The following HHAT variants were observed in gnomAD, a reference collection of about 807,000 sequenced individuals.
The protein encoded by HHAT is protein-cysteine N-palmitoyltransferase HHAT.
Under a neutral mutation model 70.8 loss-of-function variants are expected in HHAT, and 47 were observed. The observed-to-expected ratio is 0.66, with a 90% CI of 0.53 to 0.85. The LOEUF (loss-of-function observed/expected upper bound fraction) is 0.85, where lower values mean the gene tolerates loss of function less well. Ranked by LOEUF, HHAT falls within the 40% of genes least tolerant of loss-of-function variation. The pLI is 0.00. For synonymous variants in HHAT, 228 were observed against 247.6 expected (o/e 0.92, Z 0.74); for missense variants, 609 against 604.8 (o/e 1.01, Z -0.07).
intron 6 of HHAT, among the ~76,000 whole-genome samples, chr1:210,417,099 T>G (rs1413483382): frequency 6.6e-6 from 1 of 152,166 alleles, no homozygotes; most frequent in Non-Finnish European, 1.5e-5. Context: ...AGTACAAGAC[T>G]TGTACACTGA....
At chr1:210,377,278 T>C (rs1346071791) in intron 3 of HHAT, among the ~76,000 whole-genome samples, 1 of 152,252 alleles carries the variant, frequency 6.6e-6, no homozygotes, top group African/African-American at 2.4e-5. Flanking sequence ...TACATTTTTT[T>C]CATCATCTCC....
intron 9 of HHAT, among the ~76,000 whole-genome samples, chr1:210,564,742 G>A (rs931541672): frequency 1.3e-5 from 2 of 151,520 alleles, no homozygotes; most frequent in African/African-American, 4.8e-5. Context: ...ATAAGAGAGA[G>A]ACACAGATGT....
chr1:210,586,275 C>T, intron 9 of HHAT, among the ~76,000 whole-genome samples: 1 of 152,016 alleles, frequency 6.6e-6, no homozygotes, highest in Non-Finnish European at 1.5e-5. Context: ...ATCATCTCTA[C>T]AAAAAAAGTT....
In HHAT at chr1:210,342,401, C is replaced by T. The variant is rs563374131; in HGVS notation, c.-43-6532C>T. On this transcript the variant is annotated intron_variant, in intron 1 of 11. Coordinates refer to ENST00000261458, the MANE Select transcript of HHAT (RefSeq NM_018194.6). Reference sequence around the variant, plus strand: ...CTTCTTTACAGTTCCGACCAGTATTCCCACACTGGGGAAGTGTTCTTAGAC... The same window carrying T: ...CTTCTTTACAGTTCCGACCAGTATTTCCACACTGGGGAAGTGTTCTTAGAC... Among the ~76,000 whole-genome samples the T allele has an allele frequency of 2.6e-5, 4 of 152,332 alleles. No individual in the cohort carries two copies. In the East Asian group the frequency reaches 5.8e-4, roughly 22 times the overall value.
At chr1:210,363,379 G>A (rs576959160) in intron 3 of HHAT, among the ~76,000 whole-genome samples, 1 of 152,276 alleles carries the variant, frequency 6.6e-6, no homozygotes, top group East Asian at 1.9e-4. Context: ...TGGCTGGCTC[G>A]CTTGTCTTCA....
In HHAT at chr1:210,675,566, A is replaced by T. The variant is rs1680964962; in HGVS notation, c.*1187A>T. 6.6e-6 allele frequency: 1 copy of T among 152,142 alleles called. No individual in the cohort carries two copies. The highest frequency in any genetic ancestry group is 2.1e-4 in the South Asian group (1 of 4,830). The allele number at this position is 152,142 out of a possible 1,614,324, so 9.4% of individuals were successfully genotyped here. A position where few individuals can be genotyped will look rare whatever the true frequency, so the allele number is the denominator to read the frequency against. On this transcript the variant is annotated 3_prime_UTR_variant, in exon 12 of 12. Coordinates refer to ENST00000261458, the MANE Select transcript of HHAT (RefSeq NM_018194.6). The stretch of plus-strand genomic sequence containing the variant: ...AGAATTTACAACATCTCAAGTACGT[A>T]AATTAAGTTGTCATTGAGTGAAAGG...
intron 11 of HHAT, among the ~76,000 whole-genome samples, chr1:210,668,283 T>G (rs1046423380): frequency 2.6e-5 from 4 of 152,340 alleles, no homozygotes; most frequent in Non-Finnish European, 4.4e-5. Context: ...TACAAATACC[T>G]CTTCTAGTTC....
chr1:210,329,154 T>C, intron 1 of HHAT, 50 bp downstream of exon 1: 1 of 1,269,606 alleles, frequency 7.9e-7, no homozygotes. Flanking sequence ...GATGCTGAAT[T>C]TTCTGCGTCA....
At chr1:210,411,117 C>T (rs994282950) in intron 6 of HHAT, among the ~76,000 whole-genome samples, 4 of 152,182 alleles carry the variant, frequency 2.6e-5, no homozygotes, top group Admixed American at 6.5e-5. Context: ...CACCTTGAAA[C>T]GTGATTGCCT....
chr1:210,497,338 T>G (rs2094667206), intron 8 of HHAT, among the ~76,000 whole-genome samples: 1 of 152,158 alleles, frequency 6.6e-6, no homozygotes, highest in Non-Finnish European at 1.5e-5. Context: ...AAATAACAAA[T>G]TATTTTTGAA....
intron 4 of HHAT, among the ~76,000 whole-genome samples, chr1:210,394,697 A>G (rs1388835321): frequency 6.6e-6 from 1 of 152,176 alleles, no homozygotes; most frequent in Non-Finnish European, 1.5e-5. Context: ...AGGTAATGCA[A>G]AGGGCTGAGA....
chr1:210,422,825 C>T (rs748126075), intron 7 of HHAT, among the ~76,000 whole-genome samples: 4 of 151,972 alleles, frequency 2.6e-5, no homozygotes, highest in Non-Finnish European at 4.4e-5. Context: ...TTAGTAGAGA[C>T]GGGGTTTCAC....
intron 8 of HHAT, among the ~76,000 whole-genome samples, chr1:210,501,093 T>C (rs2094744513): frequency 6.6e-6 from 1 of 152,256 alleles, no homozygotes; most frequent in Non-Finnish European, 1.5e-5. Context: ...TGTCCCTTTG[T>C]TCTGGATTCA....
intron 9 of HHAT, among the ~76,000 whole-genome samples, chr1:210,569,980 AC>A (rs1422408290): frequency 1.3e-5 from 2 of 152,288 alleles, no homozygotes; most frequent in East Asian, 3.9e-4. Flanking sequence ...TTTTATAGGC[AC>A]ATTCCTTTCA....
chr1:210,538,578 G>T (rs2095397883), intron 9 of HHAT, among the ~76,000 whole-genome samples: 1 of 152,104 alleles, frequency 6.6e-6, no homozygotes, highest in South Asian at 2.1e-4. Context: ...GATCAAAAGT[G>T]ACACTTGAAA....
Position 210,554,974 on chromosome 1 carries a change from G to T in HHAT, c.1044-32924G>T, listed in dbSNP as rs767784485. ...TCTTCTGAAGGAAGGCTGCCCACCA[G>T]ATAAAGGGGGTCCCAGAAGCAAGAG... is the stretch of plus-strand genomic sequence containing the variant. On this transcript the variant is annotated intron_variant, in intron 9 of 11. Transcript: ENST00000261458. 8.7e-4 allele frequency among the ~76,000 whole-genome samples: 132 copies of T among 152,166 alleles called. 1 individual carries two copies. The highest frequency in any genetic ancestry group is 1.0e-4 in the Non-Finnish European group (7 of 68,036).
intron 8 of HHAT, among the ~76,000 whole-genome samples, chr1:210,487,330 T>TA (rs1298586355): frequency 2.0e-5 from 3 of 147,132 alleles, no homozygotes; most frequent in Non-Finnish European, 4.5e-5. Context: ...GGTTTTTTTT[T>TA]AGCTATGGAA....
intron 11 of HHAT, among the ~76,000 whole-genome samples, chr1:210,637,871 A>AAAGG (rs1553312396): frequency 0.031 from 3,622 of 117,346 alleles, 105 homozygotes; most frequent in Non-Finnish European, 0.052. Context: ...AAAAAAAAAA[A>AAAGG]GGGGGGGGCA....
chr1:210,412,408 T>C (rs2092589378), intron 6 of HHAT, among the ~76,000 whole-genome samples: 1 of 152,206 alleles, frequency 6.6e-6, no homozygotes, highest in Non-Finnish European at 1.5e-5. Context: ...CTAAGTCAGA[T>C]GTGTGTGATA....
Sources: allele counts gnomAD v4.1 joint callset (sites outside exome capture counted in the v4.1 genomes callset), GRCh38; gene constraint gnomAD v4.1.1; transcripts MANE v1.5; gene names NCBI Gene and HGNC (gene_info 2026-07-23, HGNC 2026-07-21).